Variants in SAXO2 observed in about 807,000 individuals in gnomAD.
The protein encoded by SAXO2 is family with sequence similarity 154, member B.
In SAXO2, 17 loss-of-function variants were observed where a neutral mutation model predicts 18.7. The observed-to-expected ratio is 0.91, with a 90% CI of 0.62 to 1.36. The LOEUF (loss-of-function observed/expected upper bound fraction) is 1.36, where lower values mean the gene tolerates loss of function less well. SAXO2 is among the 40% of genes most tolerant of loss of function. The pLI is 0.00. For missense variants in SAXO2, 486 were observed against 562.6 expected, an observed-to-expected ratio of 0.86 and a Z score of 1.38; for synonymous variants, 163 against 181.2, an observed-to-expected ratio of 0.90 and a Z score of 0.81.
chr15:82,278,217 C>G (rs1305195740), intron 3 of SAXO2, among the ~76,000 whole-genome samples: 1 of 152,180 alleles, frequency 6.6e-6, no homozygotes, highest in Non-Finnish European at 1.5e-5. Flanking sequence ...GAACAGGAAA[C>G]TGTCTTGGGA....
rs113978367 is a variant in SAXO2, at chr15:82,268,479, G to C, written c.233+2731G>C. Among the ~76,000 whole-genome samples the C allele has an allele frequency of 4.7e-3, 709 of 152,250 alleles. 11 individuals are homozygous for C. Among genetic ancestry groups the C allele is most frequent in the African/African-American group, 0.016 (682 of 41,546 alleles). ...TCATCTCTTCACTTAGTAAGACATC[G>C]GATCTTTTCTTTATATTTTCACTGG... On this transcript the variant is annotated intron_variant, in intron 2 of 3. Coordinates refer to ENST00000682753, the MANE Select transcript of SAXO2 (RefSeq NM_001348699.2).
chr15:82,270,886 A>ATT lies in SAXO2; in HGVS notation c.234-715_234-714dup, dbSNP rs561815007. ...GCAGCTAGTAAATGACAGAACCAGG[A>ATT]TTTGGACCTAGGTGGCCTGATCAGT... On this transcript the variant is annotated intron_variant, in intron 2 of 3. Coordinates refer to ENST00000682753, the MANE Select transcript of SAXO2 (RefSeq NM_001348699.2). Among the ~76,000 whole-genome samples, 82 of 152,318 alleles carry ATT rather than the reference A, an allele frequency of 5.4e-4. No individual in the cohort carries two copies. In the East Asian group the frequency reaches 0.015, roughly 27 times the overall value.
rs139382045 is a variant in SAXO2 at position 82,263,612 on chromosome 15, C to T, written c.53+680C>T. Among the ~76,000 whole-genome samples the T allele has an allele frequency of 3.3e-5, 5 of 152,294 alleles. No homozygotes were observed. In the East Asian group the frequency reaches 9.6e-4, roughly 29 times the overall value. On this transcript the variant is annotated intron_variant, in intron 1 of 3. Coordinates refer to ENST00000682753, the MANE Select transcript of SAXO2 (RefSeq NM_001348699.2). ...TCAATCCCTGGTGTATTTGTAATCC[C>T]ATTCAAAGAAAACACCTACATGTTG...
In SAXO2 at chr15:82,282,827, C is replaced by T; in HGVS notation, c.1142C>T (p.Ser381Phe). The change falls in exon 4 of 4, where the codon TCT becomes TTT. Residue 381 changes from serine (S) to phenylalanine (F), a missense_variant. Physicochemically the swap from Ser to Phe is radical, Grantham distance 155. Transcript: ENST00000682753. ...GKFDGLSTFR[S>F]HYVPHELIPT... ...TTTGATGGTTTGAGCACTTTCAGAT[C>T]TCACTATGTGCCACATGAATTGATC... 1.2e-6 allele frequency: 2 copies of T among 1,613,904 alleles called. No homozygotes were observed. The highest frequency in any genetic ancestry group is 2.2e-5 in the East Asian group (1 of 44,888).
intron 1 of SAXO2, chr15:82,263,439 G>A: frequency 1.4e-6 from 1 of 703,880 alleles, no homozygotes; most frequent in Non-Finnish European, 2.6e-6. Context: ...TGAAAAGTCA[G>A]TAAGTAGTCC....
chr15:82,264,068 ATTTT>A (rs397853729), intron 1 of SAXO2, among the ~76,000 whole-genome samples: 2 of 86,930 alleles, frequency 2.3e-5, no homozygotes, highest in Non-Finnish European at 4.7e-5. Flanking sequence ...ATATGCATTG[ATTTT>A]TTTTTTTTTT....
At chr15:82,280,914 C>T (rs17355437) in intron 3 of SAXO2, among the ~76,000 whole-genome samples, 5,930 of 152,266 alleles carry the variant, frequency 0.039, 171 homozygotes, top group Middle Eastern at 0.095. Context: ...GTCAGGTACA[C>T]GCTCTCATCC....
Position 82,283,111 on chromosome 15 carries a change from C to A in SAXO2, c.*49C>A. 1 of 1,251,526 alleles carries A rather than the reference C, an allele frequency of 8.0e-7. No individual in the cohort carries two copies. The highest frequency in any genetic ancestry group is 1.0e-6 in the Non-Finnish European group (1 of 959,898). The allele number at this position is 1,251,526 out of a possible 1,614,324, so 77.5% of individuals were successfully genotyped here. A position where few individuals can be genotyped will look rare whatever the true frequency, so the allele number is the denominator to read the frequency against. Reference sequence around the variant, plus strand: ...AGGTACTAGCAAGTTGTTGTTTTTCCAAGAGAAAACTCAATTTTTATAGTT... The same window carrying A: ...AGGTACTAGCAAGTTGTTGTTTTTCAAAGAGAAAACTCAATTTTTATAGTT... On this transcript the variant is annotated 3_prime_UTR_variant, in exon 4 of 4. Coordinates refer to ENST00000682753, the MANE Select transcript of SAXO2 (RefSeq NM_001348699.2).
At chr15:82,264,516 A>G (rs1245382022) in intron 1 of SAXO2, among the ~76,000 whole-genome samples, 2 of 152,172 alleles carry the variant, frequency 1.3e-5, no homozygotes, top group Non-Finnish European at 2.9e-5. Context: ...CTATTAGCTT[A>G]TATGATATAT....
intron 3 of SAXO2, among the ~76,000 whole-genome samples, chr15:82,279,604 C>T (rs1596038566): frequency 6.6e-6 from 1 of 152,228 alleles, no homozygotes; most frequent in African/African-American, 2.4e-5. Context: ...TTGGGAGTCA[C>T]CACCTTACAG....
chr15:82,270,813 A>G (rs1054341193), intron 2 of SAXO2, among the ~76,000 whole-genome samples: 2 of 152,190 alleles, frequency 1.3e-5, no homozygotes, highest in Non-Finnish European at 2.9e-5. Flanking sequence ...CATTTTATAT[A>G]TAAAGAAACT....
chr15:82,273,687 G>A (rs192289452), intron 3 of SAXO2, among the ~76,000 whole-genome samples: 81 of 152,152 alleles, frequency 5.3e-4, no homozygotes, highest in African/African-American at 1.9e-3. Context: ...AGGAGAAAAT[G>A]TACTGTGCCA....
At chr15:82,267,877 G>A (rs976855167) in intron 2 of SAXO2, among the ~76,000 whole-genome samples, 4 of 152,172 alleles carry the variant, frequency 2.6e-5, no homozygotes, top group African/African-American at 9.7e-5. Flanking sequence ...GTAGATAATA[G>A]AGTGGGTCTC....
chr15:82,277,626 A>G (rs1027103247), intron 3 of SAXO2, among the ~76,000 whole-genome samples: 1 of 152,206 alleles, frequency 6.6e-6, no homozygotes, highest in Non-Finnish European at 1.5e-5. Flanking sequence ...TAATCTACAA[A>G]ATCATAAATG....
At chr15:82,267,884 T>A (rs2075234493) in intron 2 of SAXO2, among the ~76,000 whole-genome samples, 2 of 152,152 alleles carry the variant, frequency 1.3e-5, no homozygotes, top group African/African-American at 4.8e-5. Flanking sequence ...ATAGAGTGGG[T>A]CTCAGGAAAC....
At chr15:82,272,895 T>G (rs1169061051) in intron 3 of SAXO2, among the ~76,000 whole-genome samples, 1 of 151,208 alleles carries the variant, frequency 6.6e-6, no homozygotes, top group Non-Finnish European at 1.5e-5. Context: ...GGGTCTTTGT[T>G]TTTTAAACAC....
At chr15:82,265,465 C>A in intron 1 of SAXO2, 104 bp from the exon 2 acceptor site, 1 of 925,074 alleles carries the variant, frequency 1.1e-6, no homozygotes, top group Non-Finnish European at 1.4e-6. Context: ...TTTAGTAAAG[C>A]TCTAGAATTT....
At chr15:82,272,834 C>G (rs149036522) in intron 3 of SAXO2, among the ~76,000 whole-genome samples, 2 of 151,830 alleles carry the variant, frequency 1.3e-5, no homozygotes, top group Admixed American at 1.3e-4. Context: ...TGAGCCACCA[C>G]GCGTGGCCCA....
At chr15:82,273,371 A>G (rs1292888900) in intron 3 of SAXO2, among the ~76,000 whole-genome samples, 3 of 152,208 alleles carry the variant, frequency 2.0e-5, no homozygotes, top group Non-Finnish European at 2.9e-5. Context: ...CTTTTGTAAG[A>G]GTGATACCAT....
Sources: allele counts gnomAD v4.1 joint callset (sites outside exome capture counted in the v4.1 genomes callset), GRCh38; gene constraint gnomAD v4.1.1; transcripts MANE v1.5; gene names NCBI Gene and HGNC (gene_info 2026-07-23, HGNC 2026-07-21).